The following PCDHGB6 variants were observed in gnomAD, a reference collection of about 807,000 sequenced individuals.
PCDHGB6 encodes protocadherin gamma subfamily B, 6, also known as protocadherin gamma-B6.
Under a neutral mutation model 59.1 loss-of-function variants are expected in PCDHGB6, and 51 were observed. That is an observed-to-expected ratio of 0.86 (90% CI 0.69 to 1.09). The LOEUF is 1.09. PCDHGB6 is among the 50% of genes least tolerant of loss of function. PCDHGB6 has a pLI of 0.00. For missense variants in PCDHGB6, 1,148 were observed against 1,205.1 expected (o/e 0.95, Z 0.70); for synonymous variants, 466 against 495.1 (o/e 0.94, Z 0.78).
In PCDHGB6 at chr5:141,493,079, G is replaced by A. The variant is rs1299289839; in HGVS notation, c.2419-1728G>A. 6.6e-6 allele frequency among the ~76,000 whole-genome samples: 1 copy of A among 152,204 alleles called. No homozygotes were observed. Among genetic ancestry groups the A allele is most frequent in the East Asian group, 1.9e-4 (1 of 5,196 alleles). Reference sequence around the variant, plus strand: ...AAAAACACAAGTTTCTCCAACTCCAGGAGCTTTTATTCAAAATATATCAAT... The same window carrying A: ...AAAAACACAAGTTTCTCCAACTCCAAGAGCTTTTATTCAAAATATATCAAT... On this transcript the variant is annotated intron_variant, in intron 1 of 3. Transcript: ENST00000520790. The surrounding 1 kb of genome is among the most constrained non-coding windows in gnomAD (Gnocchi z 4.3).
At chr5:141,418,863 TAG>T (rs1165304037) in intron 1 of PCDHGB6, 1 of 1,613,990 alleles carries the variant, frequency 6.2e-7, no homozygotes, top group Non-Finnish European at 8.5e-7. Context: ...AAAGTAATTG[TAG>T]AAGTTGTAGA....
intron 2 of PCDHGB6, among the ~76,000 whole-genome samples, chr5:141,495,703 GGAGT>G (rs2099763108): frequency 6.6e-6 from 1 of 152,098 alleles, no homozygotes; most frequent in South Asian, 2.1e-4. Context: ...CAATAAATGT[GGAGT>G]GAGTAACTAC....
chr5:141,465,997 C>T (rs1344380021), intron 1 of PCDHGB6, among the ~76,000 whole-genome samples: 1 of 151,918 alleles, frequency 6.6e-6, no homozygotes, highest in Non-Finnish European at 1.5e-5. Context: ...TGGCAGGCAC[C>T]TGTAGTCCCA....
intron 1 of PCDHGB6, among the ~76,000 whole-genome samples, chr5:141,435,592 C>T (rs573084790): frequency 1.3e-5 from 2 of 152,060 alleles, no homozygotes; most frequent in African/African-American, 2.4e-5. Flanking sequence ...GCAGTAATAT[C>T]GCCTGCTTTT....
chr5:141,443,167 C>T (rs745545091), intron 1 of PCDHGB6, among the ~76,000 whole-genome samples: 4 of 152,084 alleles, frequency 2.6e-5, no homozygotes, highest in Non-Finnish European at 5.9e-5. Flanking sequence ...TTTCCCTACC[C>T]ATGTCCACTG....
At chr5:141,466,280 C>T (rs1181499549) in intron 1 of PCDHGB6, among the ~76,000 whole-genome samples, 1 of 152,142 alleles carries the variant, frequency 6.6e-6, no homozygotes, top group Admixed American at 6.6e-5. Flanking sequence ...AAGCAATCTT[C>T]CCACCTCAGG....
chr5:141,427,222 A>G (rs536161247), intron 1 of PCDHGB6: 1 of 456,774 alleles, frequency 2.2e-6, no homozygotes, highest in South Asian at 1.5e-5. Flanking sequence ...CGTAGCAGTT[A>G]TACCATGAGA....
chr5:141,476,868 C>T lies in PCDHGB6; in HGVS notation c.2419-17939C>T, dbSNP rs1213404395. On this transcript the variant is annotated intron_variant, in intron 1 of 3. Coordinates refer to ENST00000520790, the MANE Select transcript of PCDHGB6 (RefSeq NM_018926.3). This position sits in a 1 kb window ranked among gnomAD's most constrained non-coding sequence, Gnocchi z 7.6. ...GTCTTCAACCAGTCCTTGTACCGGG[C>T]GCGCGTCCTGGAGGATGCACCCTCC... 3 of 1,613,874 alleles carry T rather than the reference C, an allele frequency of 1.9e-6. No individual in the cohort carries two copies. Among genetic ancestry groups the T allele is most frequent in the Admixed American group, 3.3e-5 (2 of 60,026 alleles).
At chr5:141,415,767 T>TTTTTTTTTTTTTTTTTTTTTG (rs2095942916) in intron 1 of PCDHGB6, 1 of 1,300,668 alleles carries the variant, frequency 7.7e-7, no homozygotes, top group African/African-American at 1.8e-5. Flanking sequence ...TTTTTTTTTT[T>TTTTTTTTTTTTTTTTTTTTTG]TTTTTACTTT....
rs556099456 is a variant in PCDHGB6, at chr5:141,430,033, C to A, written c.2418+19413C>A. ...ACTTGGGTTCTTGTTAAGTGTGATT[C>A]TGATAATGTATACAATCACATATCA... On this transcript the variant is annotated intron_variant, in intron 1 of 3. Coordinates refer to ENST00000520790, the MANE Select transcript of PCDHGB6 (RefSeq NM_018926.3). 1.2e-4 allele frequency among the ~76,000 whole-genome samples: 18 copies of A among 152,184 alleles called. 1 individual carries two copies. In the South Asian group the frequency reaches 3.3e-3, roughly 28 times the overall value.
At position 141,477,866 on chromosome 5, in the gene PCDHGB6, A is replaced by G; in HGVS notation, c.2419-16941A>G. ...CTCGGTGGAGATGCTGCCTCGAGGT[A>G]CCTCAGCTGGCCACCTAGTGTCACG... On this transcript the variant is annotated intron_variant, in intron 1 of 3. Coordinates refer to ENST00000520790, the MANE Select transcript of PCDHGB6 (RefSeq NM_018926.3). This position sits in a 1 kb window ranked among gnomAD's most constrained non-coding sequence, Gnocchi z 4.9. 1 of 1,614,072 alleles carries G rather than the reference A, an allele frequency of 6.2e-7. No homozygotes were observed. Among genetic ancestry groups the G allele is most frequent in the Non-Finnish European group, 8.5e-7 (1 of 1,179,988 alleles).
Position 141,491,935 on chromosome 5 carries a change from C to A in PCDHGB6, c.2419-2872C>A. 1 of 1,205,518 alleles carries A rather than the reference C, an allele frequency of 8.3e-7. No homozygotes were observed. Among genetic ancestry groups the A allele is most frequent in the South Asian group, 1.7e-5 (1 of 59,176 alleles). 74.7% of individuals were successfully genotyped at this position (1,205,518 alleles called of 1,614,324 possible). On this transcript the variant is annotated intron_variant, in intron 1 of 3. Transcript: ENST00000520790. The surrounding 1 kb of genome is among the most constrained non-coding windows in gnomAD (Gnocchi z 6.9). ...GACTGTGGGCGAGGGGAGGTGGGACCGACCCCCACCCCTACACTCAAAAAA... is the reference window on the plus strand; with the variant it reads ...GACTGTGGGCGAGGGGAGGTGGGACAGACCCCCACCCCTACACTCAAAAAA...
chr5:141,428,015 A>G, intron 1 of PCDHGB6: 5 of 1,604,042 alleles, frequency 3.1e-6, no homozygotes, highest in Non-Finnish European at 3.4e-6. Flanking sequence ...ATATAGTGCC[A>G]CGCGCCGCAG....
rs2099623095 is a variant in PCDHGB6 at position 141,486,025 on chromosome 5, T to C, written c.2419-8782T>C. 1 of 1,613,958 alleles carries C rather than the reference T, an allele frequency of 6.2e-7. No individual in the cohort carries two copies. The highest frequency in any genetic ancestry group is 8.5e-7 in the Non-Finnish European group (1 of 1,179,932). The stretch of plus-strand genomic sequence containing the variant: ...ACGTCACCTTTTATTTCAGTGGTCA[T>C]ACCCCTGATCGTGTAAGAAACCTCT... On this transcript the variant is annotated intron_variant, in intron 1 of 3. Transcript: ENST00000520790. The surrounding 1 kb of genome is among the most constrained non-coding windows in gnomAD (Gnocchi z 5.0).
intron 1 of PCDHGB6, among the ~76,000 whole-genome samples, chr5:141,425,919 G>A (rs11167745): frequency 2.0e-5 from 3 of 152,174 alleles, no homozygotes; most frequent in East Asian, 1.9e-4. Flanking sequence ...CAGTCACTAC[G>A]AAAACTCATA....
rs2099884522 is a variant in PCDHGB6, at chr5:141,512,941, T to C, written c.*1768T>C. On this transcript the variant is annotated 3_prime_UTR_variant, in exon 4 of 4. Transcript: ENST00000520790. ...CTAATATTTATATGGCTTTTTTTCT[T>C]CGACAAAAAAATAATAAAACGTTTC... The C allele has an allele frequency of 6.6e-6, 1 of 151,892 alleles. No individual in the cohort carries two copies. The highest frequency in any genetic ancestry group is 6.6e-5 in the Admixed American group (1 of 15,236). The allele number at this position is 151,892 out of a possible 1,614,324, so 9.4% of individuals were successfully genotyped here.
chr5:141,478,657 G>A, intron 1 of PCDHGB6: 2 of 1,551,912 alleles, frequency 1.3e-6, no homozygotes, highest in Non-Finnish European at 1.7e-6. Flanking sequence ...TCCTGGTGAT[G>A]CATTCACACT....
intron 1 of PCDHGB6, among the ~76,000 whole-genome samples, chr5:141,473,910 A>G (rs1165685707): frequency 6.6e-6 from 1 of 152,168 alleles, no homozygotes; most frequent in Non-Finnish European, 1.5e-5. Flanking sequence ...AAGAGGTCTT[A>G]AGAAAACTAT....
chr5:141,433,199 ATCT>A (rs1202688924), intron 1 of PCDHGB6: 4 of 1,579,570 alleles, frequency 2.5e-6, no homozygotes, highest in East Asian at 2.2e-5. Context: ...TTTATATCAA[ATCT>A]TCTTTCTTTT....
Sources: allele counts gnomAD v4.1 joint callset (sites outside exome capture counted in the v4.1 genomes callset), GRCh38; gene constraint gnomAD v4.1.1; non-coding constraint Gnocchi (gnomAD v3.1); transcripts MANE v1.5; gene names NCBI Gene and HGNC (gene_info 2026-07-23, HGNC 2026-07-21).